NDST3: variants seen among roughly 807,000 people sequenced by gnomAD.
NDST3 encodes the protein bifunctional heparan sulfate N-deacetylase/N-sulfotransferase 3.
In NDST3, 58 loss-of-function variants were observed where a neutral mutation model predicts 96.1. That is an observed-to-expected ratio of 0.60 (90% CI 0.49 to 0.75). The LOEUF is 0.75. Ranked by LOEUF, NDST3 falls within the 30% of genes least tolerant of loss-of-function variation. The pLI is 0.00. For missense variants in NDST3, 788 were observed against 1,034.2 expected, an observed-to-expected ratio of 0.76 and a Z score of 3.27; for synonymous variants, 333 against 359.7, an observed-to-expected ratio of 0.93 and a Z score of 0.84.
intron 2 of NDST3, among the ~76,000 whole-genome samples, chr4:118,093,974 T>C (rs151095094): frequency 9.2e-5 from 14 of 151,934 alleles, no homozygotes; most frequent in East Asian, 1.9e-4. Flanking sequence ...TATTTTCACA[T>C]GGCAGAAGGG....
intron 6 of NDST3, among the ~76,000 whole-genome samples, chr4:118,214,607 T>C (rs932417036): frequency 1.3e-5 from 2 of 152,082 alleles, no homozygotes; most frequent in Non-Finnish European, 2.9e-5. Flanking sequence ...TTCTAGAGGA[T>C]AGATTAGAGG....
rs1740706368 is a variant in NDST3, at chr4:118,237,310, T to C, written c.2118+90T>C. The C allele has an allele frequency of 3.8e-6, 4 of 1,059,256 alleles. 1 individual carries two copies. In the Admixed American group the frequency reaches 1.3e-4, roughly 35 times the overall value. The allele number at this position is 1,059,256 out of a possible 1,614,324, so 65.6% of individuals were successfully genotyped here. On this transcript the variant is annotated intron_variant, in intron 10 of 13. Transcript: ENST00000296499. ...TAGCAATACCCACTAGCTCAGGTTT[T>C]CACAAAAGAGATTTGCTAGTTGTTT...
At chr4:118,236,452 T>C (rs999531978) in intron 9 of NDST3, among the ~76,000 whole-genome samples, 4 of 152,232 alleles carry the variant, frequency 2.6e-5, no homozygotes, top group Non-Finnish European at 4.4e-5. Context: ...GTTTTTAAAC[T>C]TCTCTTACAA....
At chr4:118,222,644 T>G (rs1257097192) in intron 6 of NDST3, among the ~76,000 whole-genome samples, 1 of 152,022 alleles carries the variant, frequency 6.6e-6, no homozygotes, top group Admixed American at 6.6e-5. Flanking sequence ...GGAGGCTAAG[T>G]AGGTTTTCTT....
At chr4:118,057,855 A>T (rs1725554140) in intron 2 of NDST3, among the ~76,000 whole-genome samples, 1 of 152,010 alleles carries the variant, frequency 6.6e-6, no homozygotes, top group African/African-American at 2.4e-5. Flanking sequence ...GAGAAATTAT[A>T]CAGTAGCTAG....
chr4:118,242,203 A>G, intron 12 of NDST3, 54 bp downstream of exon 12: 1 of 1,276,632 alleles, frequency 7.8e-7, no homozygotes, highest in Non-Finnish European at 1.1e-6. Flanking sequence ...ATTGATTTCA[A>G]AGAAATTGCA....
At chr4:118,060,016 A>G (rs1192166857) in intron 2 of NDST3, among the ~76,000 whole-genome samples, 1 of 152,112 alleles carries the variant, frequency 6.6e-6, no homozygotes, top group Non-Finnish European at 1.5e-5. Context: ...ATAACTGGAT[A>G]CAGTATGCCT....
intron 1 of NDST3, among the ~76,000 whole-genome samples, chr4:118,044,374 A>C (rs1724634152): frequency 6.6e-6 from 1 of 152,228 alleles, no homozygotes; most frequent in African/African-American, 2.4e-5. Context: ...TATTTGCTTA[A>C]ATATCATCTG....
intron 4 of NDST3, among the ~76,000 whole-genome samples, chr4:118,133,634 G>A (rs1028120952): frequency 2.0e-5 from 3 of 152,042 alleles, no homozygotes; most frequent in South Asian, 2.1e-4. Context: ...AATGGTATAG[G>A]GTTCTATTCT....
intron 2 of NDST3, among the ~76,000 whole-genome samples, chr4:118,060,696 T>C (rs549152900): frequency 6.6e-6 from 1 of 152,272 alleles, no homozygotes; most frequent in South Asian, 2.1e-4. Flanking sequence ...TTTCTATCCA[T>C]TCCTGGTTTA....
chr4:118,067,178 T>C (rs1726657393), intron 2 of NDST3, among the ~76,000 whole-genome samples: 1 of 151,650 alleles, frequency 6.6e-6, no homozygotes, highest in African/African-American at 2.4e-5. Flanking sequence ...GAAAAATACT[T>C]CTAGGAAATT....
intron 2 of NDST3, among the ~76,000 whole-genome samples, chr4:118,083,738 C>T (rs1272044176): frequency 6.6e-6 from 1 of 152,160 alleles, no homozygotes; most frequent in Non-Finnish European, 1.5e-5. Flanking sequence ...ACAGCATTCT[C>T]ATAAAGAATG....
chr4:118,237,231 T>C lies in NDST3; in HGVS notation c.2118+11T>C, dbSNP rs1353571650. The C allele has an allele frequency of 1.3e-6, 2 of 1,592,738 alleles. No individual in the cohort carries two copies. The highest frequency in any genetic ancestry group is 1.7e-6 in the Non-Finnish European group (2 of 1,169,344). On this transcript the variant is annotated intron_variant, in intron 10 of 13. Transcript: ENST00000296499. ...TACTCCTGGTACCAGGTAAGGAAAATGCAAATAAAATCCAACAGGGAGAAG... is the reference window on the plus strand; with the variant it reads ...TACTCCTGGTACCAGGTAAGGAAAACGCAAATAAAATCCAACAGGGAGAAG...
At chr4:118,133,413 C>T (rs994130470) in intron 4 of NDST3, among the ~76,000 whole-genome samples, 10 of 152,176 alleles carry the variant, frequency 6.6e-5, no homozygotes, top group Non-Finnish European at 1.3e-4. Flanking sequence ...TAAATAGACC[C>T]TCCGCACTTC....
At chr4:118,196,006 G>A (rs1253567215) in intron 6 of NDST3, among the ~76,000 whole-genome samples, 1 of 152,150 alleles carries the variant, frequency 6.6e-6, no homozygotes, top group Non-Finnish European at 1.5e-5. Context: ...TTTTAATTAT[G>A]TTAAGGTATG....
In NDST3 at chr4:118,151,337, T is replaced by A. The variant is rs1578732967; in HGVS notation, c.1539+7653T>A. Among the ~76,000 whole-genome samples the A allele has an allele frequency of 4.6e-5, 7 of 152,142 alleles. No homozygotes were observed. In the South Asian group the frequency reaches 1.5e-3, roughly 32 times the overall value. On this transcript the variant is annotated intron_variant, in intron 6 of 13. Coordinates refer to ENST00000296499, the MANE Select transcript of NDST3 (RefSeq NM_004784.3). ...CACCAGCATGGTACATGTATACATA[T>A]GTAACTAACCTGCATATTGTGCACA...
chr4:118,039,099 T>C (rs907996755), intron 1 of NDST3, among the ~76,000 whole-genome samples: 27 of 152,368 alleles, frequency 1.8e-4, no homozygotes, highest in African/African-American at 5.3e-4. Flanking sequence ...TAATGGTTAA[T>C]ATTTGCTTGG....
At chr4:118,074,489 T>G (rs1727337901) in intron 2 of NDST3, among the ~76,000 whole-genome samples, 2 of 152,212 alleles carry the variant, frequency 1.3e-5, no homozygotes, top group African/African-American at 4.8e-5. Flanking sequence ...CTTTTATCAT[T>G]ATGTAATGCC....
At chr4:118,115,064 T>A in intron 4 of NDST3, 104 bp downstream of exon 4, 1 of 1,249,774 alleles carries the variant, frequency 8.0e-7, no homozygotes, top group Non-Finnish European at 1.1e-6. Context: ...CTTTTCCATA[T>A]GATCATTTGG....
Sources: allele counts gnomAD v4.1 joint callset (sites outside exome capture counted in the v4.1 genomes callset), GRCh38; gene constraint gnomAD v4.1.1; transcripts MANE v1.5; gene names NCBI Gene and HGNC (gene_info 2026-07-23, HGNC 2026-07-21).